Variants in PLEKHA5 observed in about 807,000 individuals in gnomAD.
PLEKHA5 encodes pleckstrin homology domain containing A5.
In PLEKHA5, 55 loss-of-function variants were observed where a neutral mutation model predicts 181.9. That is an observed-to-expected ratio of 0.30 (90% CI 0.24 to 0.38). The LOEUF (loss-of-function observed/expected upper bound fraction) is 0.38. Among genes scored for constraint, PLEKHA5 ranks in the 10% least tolerant of loss-of-function variants. PLEKHA5 has a pLI of 1.00. For missense variants in PLEKHA5, 1,432 were observed against 1,549.5 expected (o/e 0.92, Z 1.27); for synonymous variants, 535 against 529.4 (o/e 1.01, Z -0.15).
chr12:19,158,021 T>G (rs1204523656), intron 3 of PLEKHA5, among the ~76,000 whole-genome samples: 1 of 152,172 alleles, frequency 6.6e-6, no homozygotes, highest in African/African-American at 2.4e-5. Context: ...TGCCATAAAC[T>G]TGGATCAAGT....
chr12:19,244,736 T>C (rs577356088), intron 3 of PLEKHA5, among the ~76,000 whole-genome samples: 1 of 152,344 alleles, frequency 6.6e-6, no homozygotes, highest in Non-Finnish European at 1.5e-5. Flanking sequence ...TATATATTAC[T>C]CGTTTTGCGC....
intron 3 of PLEKHA5, chr12:19,150,444 C>T (rs2040108808): frequency 6.6e-6 from 1 of 152,142 alleles, no homozygotes; most frequent in South Asian, 2.1e-4. Flanking sequence ...GTCATGTTAC[C>T]CTGTTTTGTT....
At chr12:19,336,857 T>C (rs773744784) in intron 21 of PLEKHA5, among the ~76,000 whole-genome samples, 4 of 152,162 alleles carry the variant, frequency 2.6e-5, no homozygotes, top group Non-Finnish European at 5.9e-5. Flanking sequence ...TGTGCTCCTA[T>C]CAGTCTCAGC....
chr12:19,311,395 A>T (rs1293492963), intron 15 of PLEKHA5, among the ~76,000 whole-genome samples: 1 of 151,354 alleles, frequency 6.6e-6, no homozygotes, highest in South Asian at 2.1e-4. Context: ...GTGAGCTGTG[A>T]TTACTCCACT....
Position 19,361,713 on chromosome 12 carries a change from T to C in PLEKHA5, c.3608+7T>C, listed in dbSNP as rs761152477. ...CTGAGGATGTTACATTCAGGTAATA[T>C]TTAAGAAAAGCAAAGGAATCATTCA... is the stretch of plus-strand genomic sequence containing the variant. On this transcript the variant is annotated splice_region_variant and intron_variant, in intron 29 of 31. Transcript: ENST00000429027. 6.3e-5 allele frequency: 100 copies of C among 1,589,074 alleles called. No homozygotes were observed. Among genetic ancestry groups the C allele is most frequent in the Non-Finnish European group, 8.3e-5 (97 of 1,168,692 alleles).
chr12:19,226,559 A>G (rs530829996), intron 3 of PLEKHA5, among the ~76,000 whole-genome samples: 15 of 152,312 alleles, frequency 9.8e-5, no homozygotes, highest in South Asian at 2.1e-4. Flanking sequence ...TCAACACTAA[A>G]TATTTATGCT....
At chr12:19,246,060 G>A (rs1235227152) in intron 3 of PLEKHA5, among the ~76,000 whole-genome samples, 1 of 147,778 alleles carries the variant, frequency 6.8e-6, no homozygotes, top group Non-Finnish European at 1.5e-5. Flanking sequence ...CTCACTGCAC[G>A]CTCCATCTCC....
chr12:19,223,449 A>G (rs1015903997), intron 3 of PLEKHA5, among the ~76,000 whole-genome samples: 1 of 152,162 alleles, frequency 6.6e-6, no homozygotes, highest in African/African-American at 2.4e-5. Context: ...GAACACCAGT[A>G]ACTTATCTGG....
chr12:19,185,562 CA>C (rs1387034862), intron 3 of PLEKHA5, among the ~76,000 whole-genome samples: 10 of 152,134 alleles, frequency 6.6e-5, no homozygotes, highest in African/African-American at 2.4e-4. Flanking sequence ...CACACTTTAT[CA>C]TATTAGTTGA....
intron 3 of PLEKHA5, among the ~76,000 whole-genome samples, chr12:19,195,641 C>T (rs553158600): frequency 3.0e-4 from 44 of 144,266 alleles, no homozygotes; most frequent in Admixed American, 1.6e-3. Flanking sequence ...CCATTGCACT[C>T]CAGCCTGGGT....
intron 3 of PLEKHA5, among the ~76,000 whole-genome samples, chr12:19,146,457 G>A (rs1000066711): frequency 3.9e-5 from 6 of 152,056 alleles, no homozygotes; most frequent in African/African-American, 1.4e-4. Flanking sequence ...TAGACATCTC[G>A]AAAATATTTT....
Position 19,163,535 on chromosome 12 carries a change from A to G in PLEKHA5, c.227+31085A>G, listed in dbSNP as rs553727541. On this transcript the variant is annotated intron_variant, in intron 3 of 31. Transcript: ENST00000429027. Reference sequence around the variant, plus strand: ...CATACTGTGGAGGCCCTGAGAGTCTATTTTGTCTGAGATGAAGGTTATGTA... The same window carrying G: ...CATACTGTGGAGGCCCTGAGAGTCTGTTTTGTCTGAGATGAAGGTTATGTA... Among the ~76,000 whole-genome samples, 8 of 152,066 alleles carry G rather than the reference A, an allele frequency of 5.3e-5. No individual in the cohort carries two copies. In the South Asian group the frequency reaches 1.7e-3, roughly 32 times the overall value.
At chr12:19,247,141 C>G (rs1261313054) in intron 3 of PLEKHA5, among the ~76,000 whole-genome samples, 1 of 152,204 alleles carries the variant, frequency 6.6e-6, no homozygotes. Context: ...CGAAAAGTAT[C>G]TTCCTTTAAT....
intron 21 of PLEKHA5, among the ~76,000 whole-genome samples, chr12:19,341,374 GA>G (rs1344157886): frequency 6.6e-6 from 1 of 152,180 alleles, no homozygotes. Context: ...TACCGTTTCA[GA>G]TTGGCAAAAA....
intron 3 of PLEKHA5, among the ~76,000 whole-genome samples, chr12:19,198,819 TTAGCAG>T (rs1475881916): frequency 6.6e-6 from 1 of 152,234 alleles, no homozygotes; most frequent in East Asian, 1.9e-4. Context: ...TTTCTGTCTT[TTAGCAG>T]AATGCAGGAA....
intron 3 of PLEKHA5, among the ~76,000 whole-genome samples, chr12:19,242,634 A>G (rs1341340432): frequency 6.6e-6 from 1 of 152,140 alleles, no homozygotes; most frequent in Non-Finnish European, 1.5e-5. Flanking sequence ...CCAAATCCTA[A>G]AACAGGTGAG....
In PLEKHA5 at chr12:19,261,040, CT is replaced by C; in HGVS notation, c.610+21del. 7.2e-7 allele frequency: 1 copy of C among 1,386,936 alleles called. No individual in the cohort carries two copies. The highest frequency in any genetic ancestry group is 1.0e-6 in the Non-Finnish European group (1 of 984,924). 85.9% of individuals were successfully genotyped at this position (1,386,936 alleles called of 1,614,324 possible). A position where few individuals can be genotyped will look rare whatever the true frequency, so the allele number is the denominator to read the frequency against. On this transcript the variant is annotated intron_variant, in intron 7 of 31. Coordinates refer to ENST00000429027, the MANE Select transcript of PLEKHA5 (RefSeq NM_001256470.2). ...TATAGAGGTAAGTTTACCCTACTGT[CT>C]TAGTGTATTATTTTGTAATTGATAT...
intron 15 of PLEKHA5, among the ~76,000 whole-genome samples, chr12:19,295,514 C>T (rs2079530353): frequency 6.6e-6 from 1 of 151,936 alleles, no homozygotes; most frequent in Non-Finnish European, 1.5e-5. Context: ...TTTGAAAGTG[C>T]CATAGTAGCT....
chr12:19,336,435 T>G, intron 20 of PLEKHA5, 80 bp from the exon 21 acceptor site: 2 of 740,646 alleles, frequency 2.7e-6, no homozygotes, highest in Non-Finnish European at 4.6e-6. Context: ...CTTTCTAAAA[T>G]CTAGAAAGTT....
Sources: allele counts gnomAD v4.1 joint callset (sites outside exome capture counted in the v4.1 genomes callset), GRCh38; gene constraint gnomAD v4.1.1; transcripts MANE v1.5; gene names NCBI Gene and HGNC (gene_info 2026-07-23, HGNC 2026-07-21).